ANK1: variants seen among roughly 807,000 people sequenced by gnomAD.
ANK1 encodes the protein ankyrin 1.
ANK1 carries 51 observed loss-of-function variants against 210.4 expected under a neutral mutation model. The ratio of observed to expected loss-of-function variants is 0.24; its 90% CI spans 0.19 to 0.31. The LOEUF is 0.31. ANK1 is among the 10% of genes least tolerant of loss of function. The pLI, the probability that ANK1 is intolerant of heterozygous loss-of-function variation, is 1.00. For synonymous variants in ANK1, 967 were observed against 1,025.9 expected, an observed-to-expected ratio of 0.94 and a Z score of 1.10; for missense variants, 2,051 against 2,504.4, an observed-to-expected ratio of 0.82 and a Z score of 3.86.
intron 1 of ANK1, among the ~76,000 whole-genome samples, chr8:41,846,375 A>T (rs1191093928): frequency 6.6e-6 from 1 of 152,230 alleles, no homozygotes; most frequent in Non-Finnish European, 1.5e-5. Flanking sequence ...ATTCACCCAC[A>T]GAACAGAGCA....
At chr8:41,866,231 C>A (rs369361636) in intron 1 of ANK1, among the ~76,000 whole-genome samples, 1 of 152,258 alleles carries the variant, frequency 6.6e-6, no homozygotes, top group African/African-American at 2.4e-5. Context: ...ACTCTGTTAC[C>A]CATGCTGAAG....
chr8:41,661,172 G>A (rs547335307), intron 42 of ANK1: 23 of 498,834 alleles, frequency 4.6e-5, no homozygotes, highest in Non-Finnish European at 6.5e-5. Flanking sequence ...CACTGTGCCC[G>A]GCCCAAAAGG....
At chr8:41,787,869 G>A (rs1225901370) in intron 1 of ANK1, among the ~76,000 whole-genome samples, 2 of 151,674 alleles carry the variant, frequency 1.3e-5, no homozygotes, top group Non-Finnish European at 2.9e-5. Flanking sequence ...AGGAGGGGGA[G>A]GAGGAGGAGG....
intron 1 of ANK1, among the ~76,000 whole-genome samples, chr8:41,840,622 G>T (rs1445610605): frequency 2.6e-5 from 4 of 152,158 alleles, no homozygotes. Flanking sequence ...CTACTGAGAG[G>T]GGAAGCTCTG....
intron 37 of ANK1, among the ~76,000 whole-genome samples, chr8:41,675,730 G>A (rs1198343447): frequency 6.6e-6 from 1 of 152,144 alleles, no homozygotes; most frequent in Non-Finnish European, 1.5e-5. Context: ...GTCTCCTCAA[G>A]CTTCTTTGTA....
chr8:41,684,580 C>T lies in ANK1; in HGVS notation c.4501G>A (p.Asp1501Asn), dbSNP rs775820344. The part of the protein sequence containing the change: ...RNLKPDRRHT[D>N]RDYSLSPSQM... Reference sequence around the variant, plus strand: ...GAGGGTGACAGCGAGTAGTCGCGGTCGGTGTGCCGCCTGTCTGGCTTCAAG... The same window carrying T: ...GAGGGTGACAGCGAGTAGTCGCGGTTGGTGTGCCGCCTGTCTGGCTTCAAG... The change falls in exon 37 of 43, where the codon GAC (aspartate) becomes AAC (asparagine). Residue 1501 changes from aspartate to asparagine, a missense_variant. Asp to Asn is a conservative substitution (Grantham distance 23). Transcript: ENST00000289734. 1.1e-5 allele frequency: 18 copies of T among 1,613,664 alleles called. No homozygotes were observed. The highest frequency in any genetic ancestry group is 5.0e-5 in the Admixed American group (3 of 60,006).
At chr8:41,822,856 A>ACGAG (rs1213926046) in intron 1 of ANK1, among the ~76,000 whole-genome samples, 1 of 152,240 alleles carries the variant, frequency 6.6e-6, no homozygotes, top group Non-Finnish European at 1.5e-5. Flanking sequence ...GAAGCACAGC[A>ACGAG]CGAGAGCGGG....
chr8:41,751,471 A>G (rs757863809), intron 2 of ANK1, among the ~76,000 whole-genome samples: 2 of 152,180 alleles, frequency 1.3e-5, no homozygotes, highest in Admixed American at 1.3e-4. Flanking sequence ...AATGGCTTCA[A>G]GCTATGGGGA....
At chr8:41,678,611 T>C (rs1814959955) in intron 37 of ANK1, among the ~76,000 whole-genome samples, 1 of 152,268 alleles carries the variant, frequency 6.6e-6, no homozygotes, top group Non-Finnish European at 1.5e-5. Context: ...ACTAATCTTT[T>C]CTTCTGCAGT....
At chr8:41,738,362 C>A (rs1310701287) in intron 2 of ANK1, among the ~76,000 whole-genome samples, 1 of 152,154 alleles carries the variant, frequency 6.6e-6, no homozygotes, top group East Asian at 1.9e-4. Context: ...TAGATGGCTG[C>A]GTCTACCTAC....
At chr8:41,785,902 C>T (rs1055701449) in intron 1 of ANK1, among the ~76,000 whole-genome samples, 1 of 152,230 alleles carries the variant, frequency 6.6e-6, no homozygotes, top group African/African-American at 2.4e-5. Flanking sequence ...GAGCTGACCT[C>T]ATGCTTTCCG....
At chr8:41,789,552 A>C (rs1311863767) in intron 1 of ANK1, among the ~76,000 whole-genome samples, 1 of 152,234 alleles carries the variant, frequency 6.6e-6, no homozygotes, top group East Asian at 1.9e-4. Context: ...CCCTGCGGTC[A>C]CACTGCCAGC....
intron 1 of ANK1, among the ~76,000 whole-genome samples, chr8:41,874,573 T>C (rs1587557180): frequency 6.6e-6 from 1 of 151,986 alleles, no homozygotes; most frequent in African/African-American, 2.4e-5. Flanking sequence ...GGGCATGGGG[T>C]GGAGATGAGT....
chr8:41,663,112 CTCTGTGTG>C (rs1351468243), intron 40 of ANK1, among the ~76,000 whole-genome samples: 16 of 129,590 alleles, frequency 1.2e-4, no homozygotes, highest in African/African-American at 4.5e-4. Context: ...CTCTCTCTCT[CTCTGTGTG>C]TGTGTGTGTG....
intron 1 of ANK1, among the ~76,000 whole-genome samples, chr8:41,886,744 G>A (rs6999259): frequency 0.015 from 2,325 of 152,282 alleles, 54 homozygotes; most frequent in African/African-American, 0.052. Flanking sequence ...AGACAGGAGA[G>A]GCAGCTAGGG....
chr8:41,868,942 T>G (rs1226432811), intron 1 of ANK1, among the ~76,000 whole-genome samples: 1 of 152,196 alleles, frequency 6.6e-6, no homozygotes, highest in Non-Finnish European at 1.5e-5. Context: ...CACCCAGGGT[T>G]CCAGCACCCA....
Position 41,716,195 on chromosome 8 carries a change from A to C in ANK1, c.1405-346T>G, listed in dbSNP as rs117293160. 2.8e-4 allele frequency among the ~76,000 whole-genome samples: 43 copies of C among 152,258 alleles called. No homozygotes were observed. The East Asian group carries it at 7.8e-3, about 27-fold the overall frequency. On this transcript the variant is annotated intron_variant, in intron 13 of 42. Transcript: ENST00000289734. The stretch of plus-strand genomic sequence containing the variant: ...TGTACATGGTTTCTGCGTTTGGTGC[A>C]TAAAAGGCACTCAATGCAGTGTGGC...
intron 1 of ANK1, among the ~76,000 whole-genome samples, chr8:41,856,597 G>C (rs1350396597): frequency 2.0e-5 from 3 of 152,150 alleles, no homozygotes; most frequent in Non-Finnish European, 4.4e-5. Context: ...ACTACAGGTT[G>C]AGTAACACTA....
Position 41,672,686 on chromosome 8 carries a change from G to T in ANK1, c.4764C>A (p.Ser1588Arg), listed in dbSNP as rs1344166589. The T allele has an allele frequency of 1.9e-6, 3 of 1,613,944 alleles. No homozygotes were observed. The highest frequency in any genetic ancestry group is 2.7e-5 in the African/African-American group (2 of 74,928). The change falls in exon 38 of 43, where the codon AGC (serine) becomes AGA (arginine). Residue 1588 changes from serine (S) to arginine (R), a missense_variant. Physicochemically the swap from Ser to Arg is moderately radical, Grantham distance 110. Transcript: ENST00000289734. ...CTGTGGCATCAGAGTCCTCAGCCTT[G>T]CTACACTCCAGAGAGGAGTCCTCAG... ...VTAEDSSLEC[S>R]KAEDSDATGH...
Sources: allele counts gnomAD v4.1 joint callset (sites outside exome capture counted in the v4.1 genomes callset), GRCh38; gene constraint gnomAD v4.1.1; transcripts MANE v1.5; gene names NCBI Gene and HGNC (gene_info 2026-07-23, HGNC 2026-07-21).